The following RB1 variants were observed in gnomAD, a reference collection of about 807,000 sequenced individuals.
The protein encoded by RB1 is retinoblastoma-associated protein.
In RB1, 18 loss-of-function variants were observed where a neutral mutation model predicts 135.4. That is an observed-to-expected ratio of 0.13 (90% CI 0.09 to 0.20). The LOEUF (loss-of-function observed/expected upper bound fraction) is 0.20. Ranked by LOEUF, RB1 falls within the 10% of genes least tolerant of loss-of-function variation. The pLI, the probability that RB1 is intolerant of heterozygous loss-of-function variation, is 1.00. For missense variants in RB1, 868 were observed against 1,110.0 expected (o/e 0.78, Z 3.10); for synonymous variants, 365 against 373.2 (o/e 0.98, Z 0.25).
At chr13:48,359,433 T>G (rs1005138465) in intron 6 of RB1, among the ~76,000 whole-genome samples, 2 of 149,160 alleles carry the variant, frequency 1.3e-5, no homozygotes, top group African/African-American at 2.4e-5. Context: ...AATCATAATT[T>G]TATAAATAAA....
rs762613976 is a variant in RB1, at chr13:48,456,217, G to C, written c.1828G>C (p.Val610Leu). Residue 610 changes from valine to leucine, a missense_variant, in exon 19 of 27, where the codon GTA (valine) becomes CTA (leucine). Physicochemically the swap from Val to Leu is conservative, Grantham distance 32. Coordinates refer to ENST00000267163, the MANE Select transcript of RB1 (RefSeq NM_000321.3). ...AAATATATCTAGGTATCTTTCTCCT[G>C]TAAGATCTCCAAAGAAAAAAGGTTC... ...HTAADMYLSP[V>L]RSPKKKGSTT... The C allele has an allele frequency of 6.2e-7, 1 of 1,614,054 alleles. No individual in the cohort carries two copies. Among genetic ancestry groups the C allele is most frequent in the South Asian group, 1.1e-5 (1 of 91,078 alleles).
chr13:48,334,208 A>C (rs1952362990), intron 2 of RB1, among the ~76,000 whole-genome samples: 2 of 152,160 alleles, frequency 1.3e-5, no homozygotes, highest in Admixed American at 1.3e-4. Context: ...ATGTTGTTTC[A>C]AAAATGTGAT....
At chr13:48,326,880 A>G (rs1952292231) in intron 2 of RB1, among the ~76,000 whole-genome samples, 3 of 152,252 alleles carry the variant, frequency 2.0e-5, no homozygotes. Context: ...AAGTTCGTAT[A>G]CAATACAAAA....
At chr13:48,317,238 C>A (rs1952192444) in intron 2 of RB1, 2 of 411,382 alleles carry the variant, frequency 4.9e-6, no homozygotes, top group Admixed American at 4.5e-5. Flanking sequence ...ACACCCTTTC[C>A]AAAATGGAAG....
chr13:48,307,353 A>G lies in RB1; in HGVS notation c.211A>G (p.Arg71Gly). ...CQKLKIPDHV[R>G]ERAWLTWEKV... ...GAAATTAAAGATACCAGATCATGTC[A>G]GAGAGAGAGCTTGGTTAACTTGGGA... The change falls in exon 2 of 27, where the codon AGA becomes GGA. Residue 71 changes from arginine (R) to glycine (G), a missense_variant. By Grantham distance (125) the Arg-to-Gly change is moderately radical (BLOSUM62 -2). Around this residue, in one of 3 missense-constraint regions of RB1, gnomAD observed 641 missense variants for 791.3 expected, o/e 0.81. Coordinates refer to ENST00000267163, the MANE Select transcript of RB1 (RefSeq NM_000321.3). 6.2e-7 allele frequency: 1 copy of G among 1,612,074 alleles called. No homozygotes were observed. The highest frequency in any genetic ancestry group is 1.1e-5 in the South Asian group (1 of 91,038).
At position 48,363,601 on chromosome 13, in the gene RB1, T is replaced by C. The variant is rs12583514; in HGVS notation, c.861+644T>C. 3.2e-4 allele frequency among the ~76,000 whole-genome samples: 49 copies of C among 152,292 alleles called. No homozygotes were observed. In the East Asian group the frequency reaches 6.2e-3, roughly 19 times the overall value. ...CAAAAAAGCCCTGCTTAGAAAACTC[T>C]AGTGCTCTAGTGTTTTAGTTTAGTG... On this transcript the variant is annotated intron_variant, in intron 8 of 26. Coordinates refer to ENST00000267163, the MANE Select transcript of RB1 (RefSeq NM_000321.3).
intron 2 of RB1, among the ~76,000 whole-genome samples, chr13:48,337,562 C>T (rs1952396464): frequency 6.6e-6 from 1 of 152,094 alleles, no homozygotes; most frequent in African/African-American, 2.4e-5. Flanking sequence ...TTATTTTGAG[C>T]CTATGTGTGT....
chr13:48,320,300 C>T, intron 2 of RB1: 1 of 1,237,852 alleles, frequency 8.1e-7, no homozygotes, highest in South Asian at 1.2e-5. Context: ...CCCCGAGCAA[C>T]CCCGCTGCGC....
chr13:48,380,340 A>G, intron 16 of RB1, 99 bp downstream of exon 16: 1 of 885,280 alleles, frequency 1.1e-6, no homozygotes, highest in Non-Finnish European at 1.8e-6. Flanking sequence ...GAGGTTAAGG[A>G]GAAGGAATGC....
intron 17 of RB1, among the ~76,000 whole-genome samples, chr13:48,390,466 G>A (rs1460286998): frequency 6.6e-6 from 1 of 152,228 alleles, no homozygotes; most frequent in Non-Finnish European, 1.5e-5. Flanking sequence ...GTAGCAAGGA[G>A]GAATGTGACT....
intron 2 of RB1, among the ~76,000 whole-genome samples, chr13:48,324,646 G>T (rs975535922): frequency 2.0e-5 from 3 of 152,056 alleles, no homozygotes; most frequent in African/African-American, 7.2e-5. Flanking sequence ...TGTCTTGGCT[G>T]TTGGGAAAAA....
At chr13:48,340,371 A>G (rs1028224849) in intron 2 of RB1, among the ~76,000 whole-genome samples, 3 of 152,212 alleles carry the variant, frequency 2.0e-5, no homozygotes, top group African/African-American at 7.2e-5. Context: ...AATAAAGGTT[A>G]CATTTTGCTC....
At chr13:48,322,028 ATTAT>A (rs1952246783) in intron 2 of RB1, among the ~76,000 whole-genome samples, 1 of 151,962 alleles carries the variant, frequency 6.6e-6, no homozygotes, top group African/African-American at 2.4e-5. Flanking sequence ...TTCTCTGTTG[ATTAT>A]TTATTTTGCT....
chr13:48,367,723 A>C, intron 10 of RB1, 120 bp downstream of exon 10: 1 of 1,189,384 alleles, frequency 8.4e-7, no homozygotes, highest in Non-Finnish European at 1.2e-6. Context: ...ATTACTTTCA[A>C]ATGTCTTTAT....
intron 6 of RB1, among the ~76,000 whole-genome samples, chr13:48,354,966 A>G (rs571192472): frequency 1.3e-5 from 2 of 152,248 alleles, no homozygotes; most frequent in Admixed American, 1.3e-4. Flanking sequence ...TGAAACTGCT[A>G]TAAGAAAACA....
chr13:48,411,798 T>C lies in RB1; in HGVS notation c.1695+30355T>C, dbSNP rs750617332. 1.3e-5 allele frequency: 21 copies of C among 1,612,786 alleles called. No individual in the cohort carries two copies. In the Admixed American group the frequency reaches 3.5e-4, roughly 27 times the overall value. ...TAATGTAACAGGTTTGGTTAAAGTT[T>C]TTAGCACCATACTAGAACAAGTTAC... is the stretch of plus-strand genomic sequence containing the variant. On this transcript the variant is annotated intron_variant, in intron 17 of 26. Coordinates refer to ENST00000267163, the MANE Select transcript of RB1 (RefSeq NM_000321.3).
intron 17 of RB1, among the ~76,000 whole-genome samples, chr13:48,400,228 T>G (rs966563478): frequency 2.0e-5 from 3 of 152,116 alleles, no homozygotes; most frequent in Admixed American, 1.3e-4. Flanking sequence ...GTAATGTTTT[T>G]GCATATGTCC....
intron 17 of RB1, among the ~76,000 whole-genome samples, chr13:48,393,113 G>C (rs1175357593): frequency 6.6e-6 from 1 of 152,172 alleles, no homozygotes; most frequent in South Asian, 2.1e-4. Context: ...AACTCTTCCT[G>C]ACCCTGTGTC....
At chr13:48,320,358 CTCCACCCCCTCG>C (rs1952223847) in intron 2 of RB1, 1 of 1,240,490 alleles carries the variant, frequency 8.1e-7, no homozygotes, top group Non-Finnish European at 1.2e-6. Context: ...CCGACACGCT[CTCCACCCCCTCG>C]TCAGCCTCCG....
Sources: gnomAD v4.1 joint callset for allele counts (sites outside exome capture counted in the v4.1 genomes callset) on GRCh38, gnomAD v4.1.1 for gene constraint, gnomAD v4.1.1 regional missense constraint, MANE v1.5 for transcripts, NCBI Gene and HGNC (gene_info 2026-07-23, HGNC 2026-07-21) for gene names.